SPAG5: variants seen among roughly 807,000 people sequenced by gnomAD.
SPAG5 encodes the protein sperm-associated antigen 5.
SPAG5 carries 99 observed loss-of-function variants against 145.4 expected under a neutral mutation model. The ratio of observed to expected loss-of-function variants is 0.68; its 90% CI spans 0.58 to 0.80. The LOEUF is 0.80. Among genes scored for constraint, SPAG5 ranks in the 30% least tolerant of loss-of-function variants. SPAG5 has a pLI of 0.00. For synonymous variants in SPAG5, 477 were observed against 525.4 expected (o/e 0.91, Z 1.26); for missense variants, 1,192 against 1,416.0 (o/e 0.84, Z 2.54).
In SPAG5 at chr17:28,579,413, A is replaced by G; in HGVS notation, c.2957T>C (p.Leu986Pro). 1 of 1,614,166 alleles carries G rather than the reference A, an allele frequency of 6.2e-7. No individual in the cohort carries two copies. The highest frequency in any genetic ancestry group is 8.5e-7 in the Non-Finnish European group (1 of 1,180,010). Residue 986 changes from leucine (L) to proline (P), a missense_variant, in exon 18 of 24, where the codon CTG becomes CCG. Transcript: ENST00000321765. ...MTTELQSLCS[L>P]LQESKEEAIR... ...GGCTTCTTCTTTAGACTCTTGTAGC[A>G]GGGAACAAAGACTCTGAAGCTCAGT...
At chr17:28,583,479 GGAAGA>G (rs1278438820) in intron 15 of SPAG5, 27 bp downstream of exon 15, 9 of 1,537,694 alleles carry the variant, frequency 5.9e-6, no homozygotes, top group Non-Finnish European at 7.0e-6. Flanking sequence ...AGATACAATT[GGAAGA>G]GAAGAGAAGG....
rs753192786 is a variant in SPAG5 at position 28,585,156 on chromosome 17, G to A, written c.2013C>T (p.Val671=). The A allele has an allele frequency of 6.2e-7, 1 of 1,614,176 alleles. No homozygotes were observed. Residue 671 remains valine, a synonymous_variant, in exon 10 of 24, where the codon GTC becomes GTT. Transcript: ENST00000321765. ...RSRQLTEKLT[V]KSQQALQERD... is the part of the protein sequence containing the mutation. ...GTTCCTGCAGGGCTTGCTGGCTCTT[G>A]ACTGTGAGTTTCTCTGTGAGTTGTC...
At chr17:28,582,632 T>C (rs2070556269) in intron 15 of SPAG5, 1 of 152,262 alleles carries the variant, frequency 6.6e-6, no homozygotes, top group Admixed American at 6.5e-5. Flanking sequence ...GCATTTCCTG[T>C]GCTCGGTACC....
Position 28,584,500 on chromosome 17 carries a change from A to T in SPAG5, c.2162-20T>A, listed in dbSNP as rs1192036776. The T allele has an allele frequency of 6.2e-7, 1 of 1,613,376 alleles. No homozygotes were observed. The highest frequency in any genetic ancestry group is 8.5e-7 in the Non-Finnish European group (1 of 1,180,038). On this transcript the variant is annotated intron_variant, in intron 11 of 23. Transcript: ENST00000321765. ...GGAGATCTAGAACAAAAGTATCCTA[A>T]TGACACCATGCGGTCAGCAGGCTAG...
Position 28,577,763 on chromosome 17 carries a change from A to G in SPAG5, c.3518T>C (p.Leu1173Pro). 6.2e-7 allele frequency: 1 copy of G among 1,613,568 alleles called. No homozygotes were observed. Among genetic ancestry groups the G allele is most frequent in the African/African-American group, 1.3e-5 (1 of 74,998 alleles). Residue 1173 changes from leucine (L) to proline (P), a missense_variant, in exon 24 of 24, where the codon CTC becomes CCC. Transcript: ENST00000321765. The stretch of plus-strand genomic sequence containing the variant: ...TCCCCTCACCACCTCTGGAATAGAG[A>G]GCAGGGTCTGGGAAGAGAGGCAGAA... ...DIVQHIYKTL[L>P]SIPEVVRGCK...
At position 28,578,202 on chromosome 17, in the gene SPAG5, G is replaced by T. The variant is rs2070520375; in HGVS notation, c.3429+16C>A. The T allele has an allele frequency of 1.2e-6, 2 of 1,613,164 alleles. No homozygotes were observed. The highest frequency in any genetic ancestry group is 1.3e-5 in the African/African-American group (1 of 75,030). ...GATGGTAGGAAATGGCCCTGGAATG[G>T]CATGGACATTCTTACATGGCTCTGG... On this transcript the variant is annotated intron_variant, in intron 22 of 23. Coordinates refer to ENST00000321765, the MANE Select transcript of SPAG5 (RefSeq NM_006461.4).
chr17:28,578,780 A>AC (rs2070526943), intron 19 of SPAG5, 28 bp from the exon 20 acceptor site: 1 of 1,581,852 alleles, frequency 6.3e-7, no homozygotes, highest in Non-Finnish European at 8.7e-7. Context: ...GTGAGAAGAC[A>AC]CATGAAGAGC....
chr17:28,592,456 A>G lies in SPAG5; in HGVS notation c.788T>C (p.Val263Ala). 6.2e-7 allele frequency: 1 copy of G among 1,613,736 alleles called. No homozygotes were observed. Among genetic ancestry groups the G allele is most frequent in the African/African-American group, 1.3e-5 (1 of 75,054 alleles). ...CTCTACAATTTCCTCCTCTGGGTCC[A>G]CATGATTGACACGGAAATCTGCTGC... ...ALAADFRVNH[V>A]DPEEEIVEHG... Residue 263 changes from valine (V) to alanine (A), a missense_variant, in exon 3 of 24, where the codon GTG (valine) becomes GCG (alanine). By Grantham distance (64) the Val-to-Ala change is moderately conservative. Transcript: ENST00000321765.
At position 28,592,217 on chromosome 17, in the gene SPAG5, G is replaced by A. The variant is rs778006134; in HGVS notation, c.1027C>T (p.Leu343=). The part of the protein sequence containing the change: ...GSDTESWMSP[L]AWLEKGVNTS... The stretch of plus-strand genomic sequence containing the variant: ...TTTACACCTTTTTCCAGCCAGGCCA[G>A]TGGGGACATCCAAGACTCTGTATCA... The change falls in exon 3 of 24, where the codon CTG becomes TTG. Residue 343 remains leucine (L), a synonymous_variant. Transcript: ENST00000321765. 1.9e-6 allele frequency: 3 copies of A among 1,614,080 alleles called. No homozygotes were observed. The highest frequency in any genetic ancestry group is 2.2e-5 in the East Asian group (1 of 44,902).
Position 28,578,701 on chromosome 17 carries a change from CT to C in SPAG5, c.3168del (p.Glu1057AsnfsTer3). On this transcript the variant is annotated frameshift_variant, in exon 20 of 24. Coordinates refer to ENST00000321765, the MANE Select transcript of SPAG5 (RefSeq NM_006461.4). LOFTEE classifies it high-confidence loss of function. ...EVIQQQNEKI[L>X]EQIDKSGELI... ...AGCTCGCCACTCTTGTCTATCTGTTCTAGGATCTTCTCATTCTGCTGCTGTA... is the reference window on the plus strand; with the variant it reads ...AGCTCGCCACTCTTGTCTATCTGTTCAGGATCTTCTCATTCTGCTGCTGTA... The C allele has an allele frequency of 3.7e-6, 6 of 1,614,056 alleles. No homozygotes were observed. Among genetic ancestry groups the C allele is most frequent in the Non-Finnish European group, 5.1e-6 (6 of 1,179,944 alleles).
At chr17:28,598,418 GTTA>G in intron 2 of SPAG5, 89 bp downstream of exon 2, 3 of 1,428,358 alleles carry the variant, frequency 2.1e-6, no homozygotes, top group East Asian at 2.5e-5. Flanking sequence ...CTTCATTATC[GTTA>G]TTAATTATTG....
intron 15 of SPAG5, chr17:28,582,915 C>T (rs1171698790): frequency 6.6e-6 from 1 of 152,104 alleles, no homozygotes; most frequent in African/African-American, 2.4e-5. Flanking sequence ...ATCACCGGGT[C>T]CACATGATTT....
chr17:28,584,635 C>A lies in SPAG5; in HGVS notation c.2161+17G>T, dbSNP rs780540650. 6.8e-6 allele frequency: 11 copies of A among 1,607,768 alleles called. No individual in the cohort carries two copies. Among genetic ancestry groups the A allele is most frequent in the African/African-American group, 1.3e-5 (1 of 74,798 alleles). ...AAATGCTTACATGCATGCATACACA[C>A]ACACACACACAAACACCTGTTGCTA... On this transcript the variant is annotated intron_variant, in intron 11 of 23. Transcript: ENST00000321765.
chr17:28,577,884 C>G, intron 23 of SPAG5, 114 bp from the exon 24 acceptor site: 1 of 1,202,054 alleles, frequency 8.3e-7, no homozygotes, highest in South Asian at 1.2e-5. Context: ...CACAGAGAAG[C>G]CTGCAATAGT....
At chr17:28,598,771 G>A in intron 1 of SPAG5, 125 bp downstream of exon 1, 2 of 1,512,924 alleles carry the variant, frequency 1.3e-6, no homozygotes, top group Non-Finnish European at 1.8e-6. Context: ...GAGCAGCAAG[G>A]CGAACAAAGA....
intron 16 of SPAG5, 29 bp from the exon 17 acceptor site, chr17:28,579,866 GC>G (rs1415401911): frequency 1.2e-6 from 2 of 1,601,690 alleles, no homozygotes; most frequent in East Asian, 4.5e-5. Context: ...ATGGGAGAGG[GC>G]CCCTCTGATG....
Position 28,584,674 on chromosome 17 carries a change from C to T in SPAG5, c.2139G>A (p.Leu713=), listed in dbSNP as rs763944233. 5.0e-6 allele frequency: 8 copies of T among 1,614,110 alleles called. No homozygotes were observed. Among genetic ancestry groups the T allele is most frequent in the Non-Finnish European group, 6.8e-6 (8 of 1,179,970 alleles). ...ECKGQTEQLE[L]ENSRLATDLR... Reference sequence around the variant, plus strand: ...CACCTGTTGCTAGACGACTGTTTTCCAACTCCAGTTGTTCTGTTTGGCCTT... The same window carrying T: ...CACCTGTTGCTAGACGACTGTTTTCTAACTCCAGTTGTTCTGTTTGGCCTT... Residue 713 remains leucine, a synonymous_variant, in exon 11 of 24, where the codon TTG becomes TTA. Coordinates refer to ENST00000321765, the MANE Select transcript of SPAG5 (RefSeq NM_006461.4).
At position 28,583,560 on chromosome 17, in the gene SPAG5, T is replaced by G. The variant is rs1030729054; in HGVS notation, c.2636A>C (p.Glu879Ala). 6.2e-7 allele frequency: 1 copy of G among 1,613,542 alleles called. No homozygotes were observed. The highest frequency in any genetic ancestry group is 8.5e-7 in the Non-Finnish European group (1 of 1,179,836). ...AAAGAGAGTCAGGCTCTGTAGTTGC[T>G]CAGTCAGCAGCCCTAGCTTTTGAGA... The part of the protein sequence containing the change: ...QYSQKLGLLT[E>A]QLQSLTLFLQ... The change falls in exon 15 of 24, where the codon GAG becomes GCG. Residue 879 changes from glutamate to alanine, a missense_variant. Glu to Ala is a moderately radical substitution (Grantham distance 107). Transcript: ENST00000321765.
chr17:28,578,564 T>C, intron 20 of SPAG5, 36 bp from the exon 21 acceptor site: 1 of 1,609,322 alleles, frequency 6.2e-7, no homozygotes, highest in Non-Finnish European at 8.5e-7. Flanking sequence ...CAATAGGACA[T>C]AAGGATAGAC....
Sources: gnomAD v4.1 joint callset for allele counts on GRCh38, gnomAD v4.1.1 for gene constraint, MANE v1.5 for transcripts, NCBI Gene and HGNC (gene_info 2026-07-23, HGNC 2026-07-21) for gene names.